KCND3: variants seen among roughly 807,000 people sequenced by gnomAD.
The protein encoded by KCND3 is potassium voltage-gated channel subfamily D member 3.
A neutral mutation model predicts 51.1 loss-of-function variants in KCND3; 9 were observed. That is an observed-to-expected ratio of 0.18 (90% CI 0.11 to 0.31). The LOEUF is 0.31. Among genes scored for constraint, KCND3 ranks in the 10% least tolerant of loss-of-function variants. The pLI is 1.00. For synonymous variants in KCND3, 349 were observed against 368.0 expected, an observed-to-expected ratio of 0.95 and a Z score of 0.59; for missense variants, 526 against 903.8, an observed-to-expected ratio of 0.58 and a Z score of 5.36.
intron 2 of KCND3, among the ~76,000 whole-genome samples, chr1:111,814,230 G>A (rs1198362644): frequency 4.1e-5 from 5 of 121,870 alleles, no homozygotes; most frequent in African/African-American, 6.8e-5. Context: ...CACTGATCGT[G>A]GTGCTTATCC....
chr1:111,788,387 G>A (rs191495401), intron 2 of KCND3, among the ~76,000 whole-genome samples: 42 of 152,310 alleles, frequency 2.8e-4, no homozygotes, highest in African/African-American at 8.2e-4. Context: ...AGGAAACCAC[G>A]GGGCTTGGGT....
At chr1:111,850,175 G>A (rs563438944) in intron 2 of KCND3, among the ~76,000 whole-genome samples, 6 of 152,128 alleles carry the variant, frequency 3.9e-5, no homozygotes, top group Non-Finnish European at 7.3e-5. Flanking sequence ...GCCCAAAAAT[G>A]TCATTTTTCC....
chr1:111,854,585 C>T (rs1009833692), intron 2 of KCND3, among the ~76,000 whole-genome samples: 2 of 152,160 alleles, frequency 1.3e-5, no homozygotes, highest in African/African-American at 4.8e-5. Flanking sequence ...AGACACTGAC[C>T]CTTGCCACTG....
At chr1:111,888,117 G>C (rs1465414743) in intron 2 of KCND3, among the ~76,000 whole-genome samples, 1 of 152,230 alleles carries the variant, frequency 6.6e-6, no homozygotes, top group Non-Finnish European at 1.5e-5. Context: ...GCTCTGCTCA[G>C]ACCAGCTGGA....
At chr1:111,888,152 A>C (rs1669654074) in intron 2 of KCND3, among the ~76,000 whole-genome samples, 1 of 152,182 alleles carries the variant, frequency 6.6e-6, no homozygotes, top group Admixed American at 6.5e-5. Flanking sequence ...GTGGGAGGGA[A>C]GAGGGATGGG....
At chr1:111,943,928 C>A (rs1237955932) in intron 2 of KCND3, among the ~76,000 whole-genome samples, 1 of 152,226 alleles carries the variant, frequency 6.6e-6, no homozygotes, top group Non-Finnish European at 1.5e-5. Flanking sequence ...CCAAGCTAAA[C>A]CCAGCCGGGG....
chr1:111,872,213 G>A (rs1431437218), intron 2 of KCND3, among the ~76,000 whole-genome samples: 4 of 152,180 alleles, frequency 2.6e-5, no homozygotes, highest in Non-Finnish European at 4.4e-5. Context: ...AGAGGATGGG[G>A]CACCAAAGAA....
chr1:111,907,630 T>C (rs914626749), intron 2 of KCND3, among the ~76,000 whole-genome samples: 4 of 152,232 alleles, frequency 2.6e-5, no homozygotes, highest in African/African-American at 9.6e-5. Flanking sequence ...AACTGTAAGA[T>C]GATGAATGTT....
intron 3 of KCND3, among the ~76,000 whole-genome samples, chr1:111,786,504 G>T (rs958434822): frequency 6.6e-6 from 1 of 152,078 alleles, no homozygotes; most frequent in Non-Finnish European, 1.5e-5. Context: ...AACGGCCTCA[G>T]GATGCTCTCC....
In KCND3 at chr1:111,822,816, T is replaced by C. The variant is rs182858988; in HGVS notation, c.1107-35710A>G. Among the ~76,000 whole-genome samples the C allele has an allele frequency of 5.5e-3, 842 of 152,300 alleles. 5 individuals carry two copies. Among genetic ancestry groups the C allele is most frequent in the Admixed American group, 0.012 (176 of 15,302 alleles). On this transcript the variant is annotated intron_variant, in intron 2 of 7. Transcript: ENST00000302127. Reference sequence around the variant, plus strand: ...TCCTCTTTTTATAATCAGAAATAGATAGGGCTACAGGAAATGGAGAAGGCA... The same window carrying C: ...TCCTCTTTTTATAATCAGAAATAGACAGGGCTACAGGAAATGGAGAAGGCA...
chr1:111,817,796 G>A (rs1356078047), intron 2 of KCND3, among the ~76,000 whole-genome samples: 2 of 152,138 alleles, frequency 1.3e-5, no homozygotes, highest in East Asian at 1.9e-4. Context: ...GTAATCAAGC[G>A]AAACCCACAA....
intron 5 of KCND3, among the ~76,000 whole-genome samples, chr1:111,779,292 C>G (rs1425720926): frequency 6.6e-6 from 1 of 152,012 alleles, no homozygotes; most frequent in Non-Finnish European, 1.5e-5. Context: ...AAGATCCTGT[C>G]CCTGCAGCCC....
At chr1:111,840,420 C>G (rs1297597300) in intron 2 of KCND3, among the ~76,000 whole-genome samples, 1 of 151,948 alleles carries the variant, frequency 6.6e-6, no homozygotes, top group African/African-American at 2.4e-5. Context: ...ATTGGTTCCT[C>G]TATGTTAGGT....
intron 2 of KCND3, among the ~76,000 whole-genome samples, chr1:111,860,436 T>C (rs1474614391): frequency 6.6e-6 from 1 of 152,176 alleles, no homozygotes; most frequent in Non-Finnish European, 1.5e-5. Flanking sequence ...GACAGCTCTG[T>C]CTAGGATAGA....
At chr1:111,776,328 C>T (rs1557929970) in intron 7 of KCND3, 50 bp from the exon 8 acceptor site, 1 of 1,562,562 alleles carries the variant, frequency 6.4e-7, no homozygotes, top group South Asian at 1.1e-5. Context: ...GCCAGCGTCC[C>T]AAAGCTTCCT....
At chr1:111,921,149 C>T (rs1671458505) in intron 2 of KCND3, among the ~76,000 whole-genome samples, 1 of 152,218 alleles carries the variant, frequency 6.6e-6, no homozygotes, top group East Asian at 1.9e-4. Context: ...CTCATTCAAT[C>T]TCTATAGTGC....
rs1298910187 is a variant in KCND3 at position 111,902,684 on chromosome 1, C to A, written c.1106+78937G>T. Among the ~76,000 whole-genome samples the A allele has an allele frequency of 2.0e-5, 3 of 152,248 alleles. No homozygotes were observed. In the East Asian group the frequency reaches 5.8e-4, roughly 29 times the overall value. On this transcript the variant is annotated intron_variant, in intron 2 of 7. Transcript: ENST00000302127. ...TGCCAGCTACTTTCCAGTGTTGTGC[C>A]CCTGGGCAAATTTAACCTTTCTGAT...
intron 2 of KCND3, among the ~76,000 whole-genome samples, chr1:111,870,726 A>AC (rs1415729594): frequency 6.6e-6 from 1 of 151,368 alleles, no homozygotes; most frequent in Non-Finnish European, 1.5e-5. Flanking sequence ...TGAAAGAAAA[A>AC]AAAGACACAA....
In KCND3 at chr1:111,982,288, G is replaced by A. The variant is rs199801279; in HGVS notation, c.439C>T (p.Leu147Phe). The A allele has an allele frequency of 3.7e-6, 6 of 1,614,114 alleles. No individual in the cohort carries two copies. Among genetic ancestry groups the A allele is most frequent in the Non-Finnish European group, 5.1e-6 (6 of 1,180,042 alleles). Reference protein sequence around the residue: ...KDRKRENAERLMDDNDSENNQ... With the variant: ...KDRKRENAERFMDDNDSENNQ... ...TTCTCCGAGTCGTTGTCGTCCATGA[G>A]CCGCTCGGCGTTCTCCCTCTTGCGG... Residue 147 changes from leucine to phenylalanine, a missense_variant, in exon 2 of 8, where the codon CTC (leucine) becomes TTC (phenylalanine). Transcript: ENST00000302127. This position sits in a 1 kb window ranked among gnomAD's most constrained non-coding sequence, Gnocchi z 8.5.
Sources: allele counts gnomAD v4.1 joint callset (sites outside exome capture counted in the v4.1 genomes callset), GRCh38; gene constraint gnomAD v4.1.1; non-coding constraint Gnocchi (gnomAD v3.1); transcripts MANE v1.5; gene names NCBI Gene and HGNC (gene_info 2026-07-23, HGNC 2026-07-21).